Variants in RGS13 observed in about 807,000 individuals in gnomAD.
RGS13 encodes regulator of G-protein signalling 13.
A neutral mutation model predicts 19.9 loss-of-function variants in RGS13; 14 were observed. The ratio of observed to expected loss-of-function variants is 0.70; its 90% CI spans 0.46 to 1.10. RGS13 has a LOEUF of 1.10. Among genes scored for constraint, RGS13 ranks in the 50% least tolerant of loss-of-function variants. RGS13 has a pLI of 0.00. For synonymous variants in RGS13, 60 were observed against 56.8 expected, an observed-to-expected ratio of 1.06 and a Z score of -0.25; for missense variants, 205 against 187.1, an observed-to-expected ratio of 1.10 and a Z score of -0.56.
chr1:192,641,940 A>C (rs1663129960), intron 3 of RGS13, among the ~76,000 whole-genome samples: 1 of 151,676 alleles, frequency 6.6e-6, no homozygotes, highest in Non-Finnish European at 1.5e-5. Flanking sequence ...AACGTCTACA[A>C]TCTCTCTCCT....
intron 3 of RGS13, among the ~76,000 whole-genome samples, chr1:192,641,253 G>A (rs28690142): frequency 0.045 from 3,503 of 78,526 alleles, 82 homozygotes; most frequent in Middle Eastern, 0.08. Flanking sequence ...AGAAAAGAAA[G>A]AAAAGAAAGA....
intron 3 of RGS13, among the ~76,000 whole-genome samples, chr1:192,639,816 T>C (rs972138442): frequency 2.0e-5 from 3 of 152,142 alleles, no homozygotes; most frequent in Non-Finnish European, 4.4e-5. Flanking sequence ...CTCTGTCAAC[T>C]TGCAGGAGCT....
intron 4 of RGS13, chr1:192,645,041 T>C (rs1223716095): frequency 6.6e-6 from 1 of 152,236 alleles, no homozygotes; most frequent in Non-Finnish European, 1.5e-5. Context: ...GCATGAATGC[T>C]CTTTCACTAA....
At chr1:192,641,759 C>T (rs1663126374) in intron 3 of RGS13, among the ~76,000 whole-genome samples, 1 of 152,140 alleles carries the variant, frequency 6.6e-6, no homozygotes, top group Non-Finnish European at 1.5e-5. Context: ...CAGTTCACAC[C>T]GTCTTCCTGG....
intron 5 of RGS13, among the ~76,000 whole-genome samples, chr1:192,652,582 C>T (rs768725274): frequency 6.6e-6 from 1 of 151,934 alleles, no homozygotes; most frequent in Non-Finnish European, 1.5e-5. Context: ...CTAGAATAGA[C>T]ATCACTGTCC....
intron 5 of RGS13, among the ~76,000 whole-genome samples, chr1:192,655,283 T>G (rs182016711): frequency 5.3e-5 from 8 of 152,284 alleles, no homozygotes; most frequent in Admixed American, 3.9e-4. Context: ...GCTAGAATTA[T>G]ATCTGAAATA....
At chr1:192,638,400 T>C (rs1663049845) in intron 3 of RGS13, among the ~76,000 whole-genome samples, 197 bp downstream of exon 3, 1 of 152,126 alleles carries the variant, frequency 6.6e-6, no homozygotes, top group South Asian at 2.1e-4. Flanking sequence ...TCTGACCTTT[T>C]GTACCTGAAG....
At chr1:192,657,903 C>T (rs138861845) in intron 5 of RGS13, among the ~76,000 whole-genome samples, 1 of 152,202 alleles carries the variant, frequency 6.6e-6, no homozygotes, top group Non-Finnish European at 1.5e-5. Flanking sequence ...TTTTCCTGGG[C>T]TCTGTGATGT....
chr1:192,659,264 T>A, intron 6 of RGS13, 74 bp from the exon 7 acceptor site: 2 of 1,077,830 alleles, frequency 1.9e-6, no homozygotes, highest in Non-Finnish European at 2.7e-6. Context: ...GAGAATAAAT[T>A]AAACCTTTCT....
At position 192,644,398 on chromosome 1, in the gene RGS13, A is replaced by G; in HGVS notation, c.64A>G (p.Asn22Asp). ...CRDESKRPPS[N>D]LTLEEVLQWA... Reference sequence around the variant, plus strand: ...AGATGAATCTAAGAGGCCCCCTTCAAAGTAAGTAGCATTTAAGTTTCTATG... The same window carrying G: ...AGATGAATCTAAGAGGCCCCCTTCAGAGTAAGTAGCATTTAAGTTTCTATG... The change falls in exon 4 of 7, where the codon AAC (asparagine) becomes GAC (aspartate). Residue 22 changes from asparagine (N) to aspartate (D), a missense_variant and splice_region_variant. Asn to Asp is a conservative substitution (Grantham distance 23). Coordinates refer to ENST00000391995, the MANE Select transcript of RGS13 (RefSeq NM_002927.5). The G allele has an allele frequency of 6.2e-7, 1 of 1,604,942 alleles. No individual in the cohort carries two copies. Among genetic ancestry groups the G allele is most frequent in the African/African-American group, 1.3e-5 (1 of 74,880 alleles).
At chr1:192,640,718 C>A (rs1477442318) in intron 3 of RGS13, among the ~76,000 whole-genome samples, 1 of 52,396 alleles carries the variant, frequency 1.9e-5, no homozygotes, top group Admixed American at 1.8e-4. Context: ...GTTGATCAGA[C>A]CACATTTCTC....
At chr1:192,643,972 T>TAAA (rs1663171053) in intron 3 of RGS13, among the ~76,000 whole-genome samples, 1 of 151,840 alleles carries the variant, frequency 6.6e-6, no homozygotes, top group Non-Finnish European at 1.5e-5. Context: ...AAAATAAAAA[T>TAAA]AAGAATTGTC....
chr1:192,640,167 AT>A (rs563736588), intron 3 of RGS13, among the ~76,000 whole-genome samples: 120 of 152,132 alleles, frequency 7.9e-4, no homozygotes, highest in Non-Finnish European at 1.3e-3. Flanking sequence ...AAGGAAGTAA[AT>A]TTTTTCCTAT....
At chr1:192,653,491 A>C (rs994019250) in intron 5 of RGS13, among the ~76,000 whole-genome samples, 2 of 152,094 alleles carry the variant, frequency 1.3e-5, no homozygotes, top group Non-Finnish European at 2.9e-5. Flanking sequence ...TTTCCCTAAG[A>C]AAATAGAGGT....
Position 192,658,265 on chromosome 1 carries a change from G to T in RGS13, c.192G>T (p.Trp64Cys), listed in dbSNP as rs767057646. The change falls in exon 6 of 7, where the codon TGG becomes TGT. Residue 64 changes from tryptophan to cysteine, a missense_variant. Physicochemically the swap from Trp to Cys is radical, Grantham distance 215 (BLOSUM62 -2). Coordinates refer to ENST00000391995, the MANE Select transcript of RGS13 (RefSeq NM_002927.5). ...ACAGTGACGAGAATATTCAATTCTG[G>T]ATGGCATGTGAAACCTATAAGAAAA... ...MEHSDENIQF[W>C]MACETYKKIA... The T allele has an allele frequency of 3.7e-6, 6 of 1,613,374 alleles. No homozygotes were observed. The East Asian group carries it at 1.1e-4, about 30-fold the overall frequency.
chr1:192,648,039 G>A, intron 5 of RGS13, 52 bp downstream of exon 5: 1 of 1,307,486 alleles, frequency 7.6e-7, no homozygotes, highest in Non-Finnish European at 1.1e-6. Context: ...TCCATTCTTA[G>A]AGGTAAAGGT....
In RGS13 at chr1:192,643,264, A is replaced by T. The variant is rs4357510; in HGVS notation, c.-4-1067A>T. On this transcript the variant is annotated intron_variant, in intron 3 of 6. Coordinates refer to ENST00000391995, the MANE Select transcript of RGS13 (RefSeq NM_002927.5). Reference sequence around the variant, plus strand: ...AACTTGGCACATAACAAGTATTCAAAAGACTTTTGAATGAATCGTAAAGAC... The same window carrying T: ...AACTTGGCACATAACAAGTATTCAATAGACTTTTGAATGAATCGTAAAGAC... 4.9e-4 allele frequency among the ~76,000 whole-genome samples: 75 copies of T among 152,186 alleles called. No individual in the cohort carries two copies. In the East Asian group the frequency reaches 0.012, roughly 23 times the overall value.
rs1663248657 is a variant in RGS13, at chr1:192,647,867, G to T, written c.66-59G>T. Reference sequence around the variant, plus strand: ...TTTCAAGATAATATAATTTTACTTAGTTCAACAAAAACCTTGAGAATATTT... The same window carrying T: ...TTTCAAGATAATATAATTTTACTTATTTCAACAAAAACCTTGAGAATATTT... On this transcript the variant is annotated intron_variant, in intron 4 of 6. Coordinates refer to ENST00000391995, the MANE Select transcript of RGS13 (RefSeq NM_002927.5). 13 of 1,130,148 alleles carry T rather than the reference G, an allele frequency of 1.2e-5. No individual in the cohort carries two copies. In the South Asian group the frequency reaches 1.6e-4, roughly 14 times the overall value. 70.0% of individuals were successfully genotyped at this position (1,130,148 alleles called of 1,614,324 possible). A position where few individuals can be genotyped will look rare whatever the true frequency, so the allele number is the denominator to read the frequency against.
At chr1:192,658,698 TATAA>T (rs1232849966) in intron 6 of RGS13, 4 of 220,116 alleles carry the variant, frequency 1.8e-5, no homozygotes, top group Non-Finnish European at 3.6e-5. Context: ...CAGCAGGAAC[TATAA>T]ATATCATGAA....
Sources: gnomAD v4.1 joint callset for allele counts (sites outside exome capture counted in the v4.1 genomes callset) on GRCh38, gnomAD v4.1.1 for gene constraint, MANE v1.5 for transcripts, NCBI Gene and HGNC (gene_info 2026-07-23, HGNC 2026-07-21) for gene names.